Variants in OR8S1 observed in about 807,000 individuals in gnomAD.
OR8S1 encodes the protein olfactory receptor 8S1.
For missense variants in OR8S1, 362 were observed against 372.1 expected (o/e 0.97, Z 0.22); for synonymous variants, 150 against 151.4 (o/e 0.99, Z 0.07).
chr12:48,526,405 C>T, exon 1 of OR8S1: 1 of 1,614,114 alleles, frequency 6.2e-7, no homozygotes, highest in Non-Finnish European at 8.5e-7. Flanking sequence ...GTTTGCTCCG[C>T]CATCTCATGC....
chr12:48,525,721 G>C, exon 1 of OR8S1: 2 of 1,614,132 alleles, frequency 1.2e-6, no homozygotes. Context: ...TCTTTGTGCT[G>C]TTCCTGGGGA....
At chr12:48,526,011 G>A (rs751799470) in exon 1 of OR8S1, 5 of 1,614,106 alleles carry the variant, frequency 3.1e-6, no homozygotes, top group Non-Finnish European at 4.2e-6. Context: ...GCTGCCATCT[G>A]CCGCCCACTA....
chr12:48,526,128 T>C, exon 1 of OR8S1: 2 of 1,614,194 alleles, frequency 1.2e-6, no homozygotes, highest in African/African-American at 1.3e-5. Context: ...GCTGTAAACA[T>C]GGTCTTTTGT....
exon 1 of OR8S1, chr12:48,525,677 G>C (rs758199343): frequency 3.1e-6 from 5 of 1,614,060 alleles, no homozygotes; most frequent in Non-Finnish European, 3.4e-6. Context: ...CCTCCTCCTT[G>C]GGCTGTCTGC....
exon 1 of OR8S1, chr12:48,525,689 G>A (rs371358800): frequency 1.4e-5 from 23 of 1,613,960 alleles, no homozygotes; most frequent in South Asian, 5.5e-5. Context: ...GCTGTCTGCC[G>A]ACCCCAACAT....
In OR8S1 at chr12:48,526,231, C is replaced by T. The variant is rs1592214771; in HGVS notation, c.600C>T (p.Leu200=). The change falls in exon 1 of 1, where the codon CTC becomes CTT. Residue 200 remains leucine, a synonymous_variant. Coordinates refer to ENST00000641651, the Ensembl canonical transcript of OR8S1. Reference sequence around the variant, plus strand: ...TCTCCAGAAGCCTCATCGCCTTGCTCTGCTCCACTCTCCTACATGGGCTGG... The same window carrying T: ...TCTCCAGAAGCCTCATCGCCTTGCTTTGCTCCACTCTCCTACATGGGCTGG... 1.9e-6 allele frequency: 3 copies of T among 1,614,198 alleles called. No homozygotes were observed. In the East Asian group the frequency reaches 6.7e-5, roughly 36 times the overall value.
In OR8S1 at chr12:48,526,422, C is replaced by G. The variant is rs764732510; in HGVS notation, c.791C>G (p.Ser264Ter). ...TTGCTCCGCCATCTCATGCCAAACT[C>G]AGGTTCCCCCATAGAGTTGATCTTC... is the stretch of plus-strand genomic sequence containing the variant. Residue 264 changes from serine to a stop codon, truncating the protein, a stop_gained, in exon 1 of 1, where the codon TCA (serine) becomes TGA (stop). Coordinates refer to ENST00000641651, the Ensembl canonical transcript of OR8S1. LOFTEE classifies it low-confidence loss of function (END_TRUNC). 3.7e-6 allele frequency: 6 copies of G among 1,613,982 alleles called. No individual in the cohort carries two copies. In the African/African-American group the frequency reaches 8.0e-5, roughly 22 times the overall value.
Position 48,525,811 on chromosome 12 carries a change from T to A in OR8S1, c.180T>A (p.Tyr60Ter). The A allele has an allele frequency of 6.2e-7, 1 of 1,614,148 alleles. No individual in the cohort carries two copies. The highest frequency in any genetic ancestry group is 1.7e-5 in the Admixed American group (1 of 60,018). The change falls in exon 1 of 1, where the codon TAT (tyrosine) becomes TAA (stop). Residue 60 changes from tyrosine (Y) to a stop codon, truncating the protein, a stop_gained. Coordinates refer to ENST00000641651, the Ensembl canonical transcript of OR8S1. LOFTEE classifies it low-confidence loss of function (END_TRUNC). Reference sequence around the variant, plus strand: ...ATTCTTGTCTCCATAAGCCCATGTATTTCTTCCTGAGTCACCTCTCTTTTG... The same window carrying A: ...ATTCTTGTCTCCATAAGCCCATGTAATTCTTCCTGAGTCACCTCTCTTTTG...
chr12:48,526,266 T>A, exon 1 of OR8S1: 1 of 1,614,152 alleles, frequency 6.2e-7, no homozygotes, highest in Non-Finnish European at 8.5e-7. Flanking sequence ...GGAAACTTCC[T>A]TTTGGTCTTC....
exon 1 of OR8S1, chr12:48,526,097 G>A (rs374454437): frequency 1.5e-5 from 25 of 1,614,090 alleles, no homozygotes; most frequent in East Asian, 6.7e-5. Context: ...CTTTCTGGAC[G>A]CACTCATCAA....
At chr12:48,526,102 C>A (rs1938216925) in exon 1 of OR8S1, 1 of 1,614,166 alleles carries the variant, frequency 6.2e-7, no homozygotes, top group Non-Finnish European at 8.5e-7. Flanking sequence ...TGGACGCACT[C>A]ATCAATGTCC....
exon 1 of OR8S1, chr12:48,526,217 C>T (rs754220932): frequency 6.2e-7 from 1 of 1,614,160 alleles, no homozygotes; most frequent in South Asian, 1.1e-5. Flanking sequence ...CTCCAGAAGC[C>T]TCATCGCCTT....
At chr12:48,525,791 T>C in exon 1 of OR8S1, 2 of 1,614,112 alleles carry the variant, frequency 1.2e-6, no homozygotes, top group Non-Finnish European at 1.7e-6. Flanking sequence ...GGCTGATTCT[T>C]GTCTCCATAA....
At position 48,526,270 on chromosome 12, in the gene OR8S1, G is replaced by C. The variant is rs372578791; in HGVS notation, c.639G>C (p.Leu213Phe). 36 of 1,613,902 alleles carry C rather than the reference G, an allele frequency of 2.2e-5. No homozygotes were observed. The highest frequency in any genetic ancestry group is 3.0e-5 in the Non-Finnish European group (35 of 1,179,994). Residue 213 changes from leucine to phenylalanine, a missense_variant, in exon 1 of 1, where the codon TTG becomes TTC. Physicochemically the swap from Leu to Phe is conservative, Grantham distance 22 (BLOSUM62 0). Coordinates refer to ENST00000641651, the Ensembl canonical transcript of OR8S1. ...TACATGGGCTGGGAAACTTCCTTTT[G>C]GTCTTCTTATCCTACACCCGTATAA...
exon 1 of OR8S1, chr12:48,525,923 C>A: frequency 1.2e-6 from 2 of 1,614,230 alleles, no homozygotes; most frequent in Non-Finnish European, 1.7e-6. Flanking sequence ...AGAGGGCTGC[C>A]TGGCTCAGGT....
chr12:48,526,194 C>G (rs750631408), exon 1 of OR8S1: 1 of 1,614,144 alleles, frequency 6.2e-7, no homozygotes, highest in South Asian at 1.1e-5. Context: ...CTCCCTCTGT[C>G]CTGCTCTGAT....
At position 48,525,807 on chromosome 12, in the gene OR8S1, T is replaced by G. The variant is rs146858292; in HGVS notation, c.176T>G (p.Met59Arg). Reference sequence around the variant, plus strand: ...GCTGATTCTTGTCTCCATAAGCCCATGTATTTCTTCCTGAGTCACCTCTCT... The same window carrying G: ...GCTGATTCTTGTCTCCATAAGCCCAGGTATTTCTTCCTGAGTCACCTCTCT... The change falls in exon 1 of 1, where the codon ATG (methionine) becomes AGG (arginine). Residue 59 changes from methionine (M) to arginine (R), a missense_variant. Transcript: ENST00000641651. 46 of 1,614,062 alleles carry G rather than the reference T, an allele frequency of 2.8e-5. No homozygotes were observed. The South Asian group carries it at 3.5e-4, about 12-fold the overall frequency.
chr12:48,526,336 C>G, exon 1 of OR8S1: 1 of 1,614,152 alleles, frequency 6.2e-7, no homozygotes, highest in Non-Finnish European at 8.5e-7. Flanking sequence ...CGGGCAGAAG[C>G]AAGGCCTTCT....
exon 1 of OR8S1, chr12:48,525,932 G>A: frequency 1.2e-6 from 2 of 1,614,192 alleles, no homozygotes; most frequent in Non-Finnish European, 1.7e-6. Context: ...CCTGGCTCAG[G>A]TCTTCTTTGT....
Sources: allele counts gnomAD v4.1 joint callset, GRCh38; gene constraint gnomAD v4.1.1; transcripts MANE v1.5; gene names NCBI Gene and HGNC (gene_info 2026-07-23, HGNC 2026-07-21).